MAP10: variants seen among roughly 807,000 people sequenced by gnomAD.
MAP10 encodes the protein microtubule-associated protein 10.
Under a neutral mutation model 6.3 loss-of-function variants are expected in MAP10, and 10 were observed. The ratio of observed to expected loss-of-function variants is 1.58; its 90% CI spans 0.98 to 2.69. The LOEUF is 2.69. Among genes scored for constraint, MAP10 ranks in the 30% most tolerant of loss-of-function variants. The pLI, the probability that MAP10 is intolerant of heterozygous loss-of-function variation, is 0.00. For synonymous variants in MAP10, 459 were observed against 429.3 expected, an observed-to-expected ratio of 1.07 and a Z score of -0.86; for missense variants, 1,189 against 1,086.5, an observed-to-expected ratio of 1.09 and a Z score of -1.33.
rs557525361 is a variant in MAP10, at chr1:232,805,938, C to T, written c.489C>T (p.Pro163=). ...GCSHRHRGRF[P]LHNRVGERTG... is the part of the protein sequence containing the mutation. ...CCCACCGTCACCGGGGACGTTTCCC[C>T]CTGCATAATCGAGTGGGCGAGCGGA... The change falls in exon 1 of 1, where the codon CCC becomes CCT. Residue 163 remains proline (P), a synonymous_variant. Coordinates refer to ENST00000418460, the MANE Select transcript of MAP10 (RefSeq NM_019090.3). 2.3e-5 allele frequency: 37 copies of T among 1,612,280 alleles called. No individual in the cohort carries two copies. In the South Asian group the frequency reaches 4.0e-4, roughly 17 times the overall value.
At position 232,806,052 on chromosome 1, in the gene MAP10, A is replaced by G. The variant is rs200934993; in HGVS notation, c.603A>G (p.Thr201=). The G allele has an allele frequency of 1.5e-4, 244 of 1,614,020 alleles. No individual in the cohort carries two copies. In the East Asian group the frequency reaches 4.9e-3, roughly 32 times the overall value. ...AGCGGCCCCTCACCTTCACCCGCAC[A>G]GGAGGAGGAGCGGAGGTCAGTCCCC... ...QLERPLTFTR[T]GGGAEVSPQT... is the part of the protein sequence containing the mutation. The change falls in exon 1 of 1, where the codon ACA becomes ACG. Residue 201 remains threonine, a synonymous_variant. Coordinates refer to ENST00000418460, the MANE Select transcript of MAP10 (RefSeq NM_019090.3).
Position 232,809,380 on chromosome 1 carries a change from A to G in MAP10, c.*1213A>G, listed in dbSNP as rs10910626. Among the ~76,000 whole-genome samples the G allele has an allele frequency of 0.036, 5,462 of 152,138 alleles. 307 individuals carry two copies. Among genetic ancestry groups the G allele is most frequent in the African/African-American group, 0.12 (5,027 of 41,530 alleles). ...TATTCTGAATGATCATAATACTAGA[A>G]TATAGATAGATGGTAAAAAGAGAGA... On this transcript the variant is annotated 3_prime_UTR_variant, in exon 1 of 1. Transcript: ENST00000418460.
In MAP10 at chr1:232,805,771, C is replaced by T; in HGVS notation, c.322C>T (p.Leu108Phe). 3 of 1,600,494 alleles carry T rather than the reference C, an allele frequency of 1.9e-6. No individual in the cohort carries two copies. The highest frequency in any genetic ancestry group is 1.7e-6 in the Non-Finnish European group (2 of 1,174,780). The change falls in exon 1 of 1, where the codon CTC (leucine) becomes TTC (phenylalanine). Residue 108 changes from leucine (L) to phenylalanine (F), a missense_variant. Transcript: ENST00000418460. The stretch of plus-strand genomic sequence containing the variant: ...GCAGCCTGCTACCCTGCACTGCCGG[C>T]TCCTGCGGACCCCGCTTGCCACCTT... ...RLQPATLHCRLLRTPLATLLL... is the reference protein window; with the variant it reads ...RLQPATLHCRFLRTPLATLLL...
chr1:232,809,479 A>G lies in MAP10; in HGVS notation c.*1312A>G, dbSNP rs1215569930. ...ATGAGCCTGATATATTTATGGGACA[A>G]TTTAAAATATTATCTTGAATAGAAT... On this transcript the variant is annotated 3_prime_UTR_variant, in exon 1 of 1. Coordinates refer to ENST00000418460, the MANE Select transcript of MAP10 (RefSeq NM_019090.3). 1.3e-5 allele frequency among the ~76,000 whole-genome samples: 2 copies of G among 152,054 alleles called. No homozygotes were observed. The highest frequency in any genetic ancestry group is 4.8e-5 in the African/African-American group (2 of 41,450).
At position 232,805,456 on chromosome 1, in the gene MAP10, G is replaced by C. The variant is rs775653413; in HGVS notation, c.7G>C (p.Ala3Pro). The C allele has an allele frequency of 3.1e-6, 5 of 1,607,276 alleles. No homozygotes were observed. Among genetic ancestry groups the C allele is most frequent in the Non-Finnish European group, 8.5e-7 (1 of 1,177,132 alleles). ...GTTTCCTGGGGCAACAGCAATGGCGGCCTCGCTGTCCGAGCGGCTCTTCTC... is the reference window on the plus strand; with the variant it reads ...GTTTCCTGGGGCAACAGCAATGGCGCCCTCGCTGTCCGAGCGGCTCTTCTC... MA[A>P]SLSERLFSLE... Residue 3 changes from alanine (A) to proline (P), a missense_variant, in exon 1 of 1, where the codon GCC becomes CCC. Transcript: ENST00000418460.
Position 232,806,414 on chromosome 1 carries a change from C to G in MAP10, c.965C>G (p.Thr322Ser). ...EKPPPAQAKITIEPQMNAPEE... is the reference protein window; with the variant it reads ...EKPPPAQAKISIEPQMNAPEE... ...CCGCCCCCTGCACAGGCTAAAATCACCATTGAGCCTCAAATGAATGCACCT... is the reference window on the plus strand; with the variant it reads ...CCGCCCCCTGCACAGGCTAAAATCAGCATTGAGCCTCAAATGAATGCACCT... Residue 322 changes from threonine (T) to serine (S), a missense_variant, in exon 1 of 1, where the codon ACC (threonine) becomes AGC (serine). Thr to Ser is a moderately conservative substitution (Grantham distance 58). Coordinates refer to ENST00000418460, the MANE Select transcript of MAP10 (RefSeq NM_019090.3). 1.2e-6 allele frequency: 2 copies of G among 1,613,902 alleles called. No homozygotes were observed. Among genetic ancestry groups the G allele is most frequent in the Non-Finnish European group, 1.7e-6 (2 of 1,179,894 alleles).
Position 232,808,678 on chromosome 1 carries a change from T to C in MAP10, c.*511T>C, listed in dbSNP as rs1666149619. On this transcript the variant is annotated 3_prime_UTR_variant, in exon 1 of 1. Coordinates refer to ENST00000418460, the MANE Select transcript of MAP10 (RefSeq NM_019090.3). ...TATCCCATATCCCCAATAGGTGAAG[T>C]TGCTTTTATATGCTCTCATAGTGCC... Among the ~76,000 whole-genome samples the C allele has an allele frequency of 6.6e-6, 1 of 152,170 alleles. No individual in the cohort carries two copies. The highest frequency in any genetic ancestry group is 6.5e-5 in the Admixed American group (1 of 15,288).
Position 232,806,115 on chromosome 1 carries a change from C to G in MAP10, c.666C>G (p.Ala222=), listed in dbSNP as rs768719496. Residue 222 remains alanine (A), a synonymous_variant, in exon 1 of 1, where the codon GCC becomes GCG. Coordinates refer to ENST00000418460, the MANE Select transcript of MAP10 (RefSeq NM_019090.3). ...AAAGACAGCAGCTGCAGCAGCCAGC[C>G]TCACAGCCAAGCCCAAAAGAGGCTG... is the stretch of plus-strand genomic sequence containing the variant. ...QQERQQLQQP[A]SQPSPKEADK... 6 of 1,614,016 alleles carry G rather than the reference C, an allele frequency of 3.7e-6. No individual in the cohort carries two copies. In the Admixed American group the frequency reaches 6.7e-5, roughly 18 times the overall value.
In MAP10 at chr1:232,806,300, C is replaced by T. The variant is rs766153122; in HGVS notation, c.851C>T (p.Ser284Phe). 3.1e-6 allele frequency: 5 copies of T among 1,613,950 alleles called. No individual in the cohort carries two copies. Among genetic ancestry groups the T allele is most frequent in the Non-Finnish European group, 4.2e-6 (5 of 1,179,898 alleles). Residue 284 changes from serine (S) to phenylalanine (F), a missense_variant, in exon 1 of 1, where the codon TCC becomes TTC. Physicochemically the swap from Ser to Phe is radical, Grantham distance 155. Coordinates refer to ENST00000418460, the MANE Select transcript of MAP10 (RefSeq NM_019090.3). ...GCTGGCAATGGGAGAAATGTTAGCT[C>T]CCTAAATGAGGAAGTCACAGAATTG... ...SGAGNGRNVS[S>F]LNEEVTELDM...
Position 232,808,240 on chromosome 1 carries a change from G to C in MAP10, c.*73G>C, listed in dbSNP as rs1299476604. ...TGAAAAAAATTTTAAAGCTGTTTTA[G>C]TTCATGAATTATGTGAATAATTTTT... On this transcript the variant is annotated 3_prime_UTR_variant, in exon 1 of 1. Coordinates refer to ENST00000418460, the MANE Select transcript of MAP10 (RefSeq NM_019090.3). 1 of 881,532 alleles carries C rather than the reference G, an allele frequency of 1.1e-6. No homozygotes were observed. The highest frequency in any genetic ancestry group is 1.7e-5 in the African/African-American group (1 of 58,546). 54.6% of individuals were successfully genotyped at this position (881,532 alleles called of 1,614,324 possible). A position where few individuals can be genotyped will look rare whatever the true frequency, so the allele number is the denominator to read the frequency against.
At position 232,806,906 on chromosome 1, in the gene MAP10, T is replaced by G. The variant is rs543344631; in HGVS notation, c.1457T>G (p.Leu486Arg). Residue 486 changes from leucine to arginine, a missense_variant, in exon 1 of 1, where the codon CTC becomes CGC. Coordinates refer to ENST00000418460, the MANE Select transcript of MAP10 (RefSeq NM_019090.3). ...TATTCTGAAAAGAGCAGTGGTGCCC[T>G]CCATAAAAGAGTTCCAAAAGGGAGG... The part of the protein sequence containing the change: ...DKYSEKSSGA[L>R]HKRVPKGRLL... 3.5e-5 allele frequency: 57 copies of G among 1,606,946 alleles called. No individual in the cohort carries two copies. The East Asian group carries it at 1.2e-3, about 33-fold the overall frequency.
In MAP10 at chr1:232,807,898, A is replaced by T; in HGVS notation, c.2449A>T (p.Met817Leu). The T allele has an allele frequency of 6.2e-7, 1 of 1,613,690 alleles. No individual in the cohort carries two copies. Among genetic ancestry groups the T allele is most frequent in the Non-Finnish European group, 8.5e-7 (1 of 1,179,724 alleles). The change falls in exon 1 of 1, where the codon ATG becomes TTG. Residue 817 changes from methionine (M) to leucine (L), a missense_variant. Transcript: ENST00000418460. The stretch of plus-strand genomic sequence containing the variant: ...AGAAAACCAGATAGATCAAAATAGT[A>T]TGCACAATTCTGAAATTACAAAGAG... Reference protein sequence around the residue: ...QKENQIDQNSMHNSEITKRAQ... With the variant: ...QKENQIDQNSLHNSEITKRAQ...
In MAP10 at chr1:232,805,573, A is replaced by G. The variant is rs1447843901; in HGVS notation, c.124A>G (p.Lys42Glu). The change falls in exon 1 of 1, where the codon AAG becomes GAG. Residue 42 changes from lysine (K) to glutamate (E), a missense_variant. Lys to Glu is a moderately conservative substitution (Grantham distance 56, BLOSUM62 1). Coordinates refer to ENST00000418460, the MANE Select transcript of MAP10 (RefSeq NM_019090.3). ...GGAGCAGGAGGAGGAAGAGGAGGAAAAGGAGCAGGGGGAGGCCTCGTCGCC... is the reference window on the plus strand; with the variant it reads ...GGAGCAGGAGGAGGAAGAGGAGGAAGAGGAGCAGGGGGAGGCCTCGTCGCC... ...AVEQEEEEEE[K>E]EQGEASSPRG... 3 of 1,557,042 alleles carry G rather than the reference A, an allele frequency of 1.9e-6. No individual in the cohort carries two copies. The Admixed American group carries it at 5.8e-5, about 30-fold the overall frequency.
At position 232,807,730 on chromosome 1, in the gene MAP10, A is replaced by G. The variant is rs1368932221; in HGVS notation, c.2281A>G (p.Ile761Val). 10 of 1,613,832 alleles carry G rather than the reference A, an allele frequency of 6.2e-6. No homozygotes were observed. The highest frequency in any genetic ancestry group is 1.1e-5 in the South Asian group (1 of 91,070). ...KKKNSSDRSS[I>V]LSPPFSAGSP... ...GAAAAATAGTAGTGACAGGAGTTCT[A>G]TCCTTAGCCCACCTTTTTCAGCCGG... Residue 761 changes from isoleucine to valine, a missense_variant, in exon 1 of 1, where the codon ATC becomes GTC. Coordinates refer to ENST00000418460, the MANE Select transcript of MAP10 (RefSeq NM_019090.3).
At position 232,809,456 on chromosome 1, in the gene MAP10, G is replaced by T. The variant is rs1173409479; in HGVS notation, c.*1289G>T. ...ATATGAATAAAAGAGTGATGGGAAT[G>T]AGCCTGATATATTTATGGGACAATT... On this transcript the variant is annotated 3_prime_UTR_variant, in exon 1 of 1. Transcript: ENST00000418460. 2.0e-5 allele frequency among the ~76,000 whole-genome samples: 3 copies of T among 151,970 alleles called. No individual in the cohort carries two copies. Among genetic ancestry groups the T allele is most frequent in the Non-Finnish European group, 4.4e-5 (3 of 67,904 alleles).
chr1:232,807,042 G>C lies in MAP10; in HGVS notation c.1593G>C (p.Met531Ile). The C allele has an allele frequency of 5.0e-6, 8 of 1,613,058 alleles. No individual in the cohort carries two copies. Among genetic ancestry groups the C allele is most frequent in the Non-Finnish European group, 6.8e-6 (8 of 1,179,582 alleles). Residue 531 changes from methionine (M) to isoleucine (I), a missense_variant, in exon 1 of 1, where the codon ATG (methionine) becomes ATC (isoleucine). Transcript: ENST00000418460. The part of the protein sequence containing the change: ...RELYRKRQSQ[M>I]LGTKFRIPSS... ...TATATAGAAAAAGACAATCACAAAT[G>C]TTGGGTACAAAATTCAGAATTCCGT...
Sources: allele counts gnomAD v4.1 joint callset (sites outside exome capture counted in the v4.1 genomes callset), GRCh38; gene constraint gnomAD v4.1.1; transcripts MANE v1.5; gene names NCBI Gene and HGNC (gene_info 2026-07-23, HGNC 2026-07-21).